The following EPB41L4A variants were observed in gnomAD, a reference collection of about 807,000 sequenced individuals.
The protein encoded by EPB41L4A is band 4.1-like protein 4A.
A neutral mutation model predicts 108.6 loss-of-function variants in EPB41L4A; 100 were observed. The observed-to-expected ratio is 0.92, with a 90% CI of 0.78 to 1.09. EPB41L4A has a LOEUF of 1.09. Ranked by LOEUF, EPB41L4A falls within the 50% of genes least tolerant of loss-of-function variation. The pLI is 0.00. For synonymous variants in EPB41L4A, 319 were observed against 289.0 expected (o/e 1.10, Z -1.05); for missense variants, 1,030 against 842.7 (o/e 1.22, Z -2.75).
intron 1 of EPB41L4A, among the ~76,000 whole-genome samples, chr5:112,372,485 G>C: frequency 6.6e-6 from 1 of 152,334 alleles, no homozygotes; most frequent in South Asian, 2.1e-4. Context: ...GGCTCTGTCT[G>C]AGAAGATAGC....
At chr5:112,193,979 G>A (rs566458493) in intron 17 of EPB41L4A, among the ~76,000 whole-genome samples, 24 of 152,242 alleles carry the variant, frequency 1.6e-4, no homozygotes, top group Admixed American at 9.8e-4. Context: ...TCTTGTTTTC[G>A]AGTGCATATT....
At chr5:112,167,204 A>T (rs1188519499) in intron 22 of EPB41L4A, among the ~76,000 whole-genome samples, 1 of 151,926 alleles carries the variant, frequency 6.6e-6, no homozygotes, top group Non-Finnish European at 1.5e-5. Context: ...TCTACACTGT[A>T]TAAAAATTGA....
At chr5:112,386,154 A>G (rs1760511000) in intron 1 of EPB41L4A, among the ~76,000 whole-genome samples, 1 of 152,216 alleles carries the variant, frequency 6.6e-6, no homozygotes, top group African/African-American at 2.4e-5. Flanking sequence ...TTGTACTGAG[A>G]CATAACGAAG....
chr5:112,375,287 C>T (rs191517152), intron 1 of EPB41L4A, among the ~76,000 whole-genome samples: 1 of 150,882 alleles, frequency 6.6e-6, no homozygotes, highest in East Asian at 1.9e-4. Flanking sequence ...AGACACTGAC[C>T]CACAGACCAT....
chr5:112,352,603 T>C (rs1051264105), intron 1 of EPB41L4A, among the ~76,000 whole-genome samples: 1 of 152,250 alleles, frequency 6.6e-6, no homozygotes, highest in Non-Finnish European at 1.5e-5. Context: ...AAGGTTATTA[T>C]TAATGTGTGA....
chr5:112,294,769 G>A (rs965321485), intron 2 of EPB41L4A, among the ~76,000 whole-genome samples: 1 of 151,816 alleles, frequency 6.6e-6, no homozygotes, highest in African/African-American at 2.4e-5. Context: ...CATTTGGGTG[G>A]GGAACTGAAA....
intron 4 of EPB41L4A, among the ~76,000 whole-genome samples, chr5:112,273,127 A>G (rs1240240333): frequency 6.6e-6 from 1 of 152,224 alleles, no homozygotes; most frequent in Non-Finnish European, 1.5e-5. Flanking sequence ...CATTAATGGT[A>G]ATATATTCAT....
intron 18 of EPB41L4A, among the ~76,000 whole-genome samples, chr5:112,182,111 A>C (rs978732728): frequency 6.6e-6 from 1 of 152,026 alleles, no homozygotes; most frequent in Admixed American, 6.6e-5. Flanking sequence ...GGGGGTGGGC[A>C]CTGACTAGAA....
intron 1 of EPB41L4A, among the ~76,000 whole-genome samples, chr5:112,330,239 A>G (rs1441475776): frequency 1.3e-5 from 2 of 151,922 alleles, no homozygotes; most frequent in Non-Finnish European, 2.9e-5. Context: ...TTTGCAGGGC[A>G]GTCCCTGGGA....
chr5:112,294,330 C>T (rs943828469), intron 2 of EPB41L4A, among the ~76,000 whole-genome samples: 14 of 152,140 alleles, frequency 9.2e-5, no homozygotes, highest in African/African-American at 2.9e-4. Flanking sequence ...CCCTCGCCTC[C>T]CAGTGAGCGG....
intron 1 of EPB41L4A, among the ~76,000 whole-genome samples, chr5:112,375,148 G>A (rs915207721): frequency 1.6e-4 from 25 of 152,128 alleles, no homozygotes; most frequent in Non-Finnish European, 3.4e-4. Context: ...GGACAGAGTT[G>A]AGACTTACTT....
At chr5:112,347,785 C>A (rs1237006163) in intron 1 of EPB41L4A, among the ~76,000 whole-genome samples, 1 of 152,156 alleles carries the variant, frequency 6.6e-6, no homozygotes, top group African/African-American at 2.4e-5. Context: ...AAAGGGGCAT[C>A]CCCTGTGTCT....
intron 18 of EPB41L4A, among the ~76,000 whole-genome samples, chr5:112,181,641 C>A (rs578142453): frequency 6.6e-6 from 1 of 152,122 alleles, no homozygotes; most frequent in East Asian, 1.9e-4. Flanking sequence ...GCAGTATATA[C>A]AAAAATTTAA....
At chr5:112,296,308 T>C (rs568861732) in intron 2 of EPB41L4A, among the ~76,000 whole-genome samples, 1 of 152,280 alleles carries the variant, frequency 6.6e-6, no homozygotes, top group Non-Finnish European at 1.5e-5. Context: ...AAAAGCATAA[T>C]TAATAACATT....
intron 1 of EPB41L4A, among the ~76,000 whole-genome samples, chr5:112,347,767 G>C (rs1757778757): frequency 6.6e-6 from 1 of 152,198 alleles, no homozygotes; most frequent in Non-Finnish European, 1.5e-5. Flanking sequence ...CACCTGAGCA[G>C]CCACAGTAAA....
At chr5:112,230,792 G>A (rs776197305) in intron 12 of EPB41L4A, among the ~76,000 whole-genome samples, 2 of 152,238 alleles carry the variant, frequency 1.3e-5, no homozygotes, top group African/African-American at 2.4e-5. Context: ...GCTATGAACA[G>A]CTTTGCCTAA....
At chr5:112,303,364 CACAT>C (rs1329086330) in intron 2 of EPB41L4A, among the ~76,000 whole-genome samples, 3 of 152,118 alleles carry the variant, frequency 2.0e-5, no homozygotes, top group African/African-American at 7.2e-5. Context: ...CAAATATTAA[CACAT>C]ACACAGCTTA....
At chr5:112,257,297 A>C (rs1027850019) in intron 9 of EPB41L4A, 11 of 152,168 alleles carry the variant, frequency 7.2e-5, no homozygotes, top group South Asian at 2.1e-4. Flanking sequence ...ATAAAAAAAA[A>C]CCTTTAATTC....
intron 9 of EPB41L4A, among the ~76,000 whole-genome samples, chr5:112,254,418 C>T (rs554906758): frequency 1.3e-5 from 2 of 152,302 alleles, no homozygotes; most frequent in East Asian, 1.9e-4. Context: ...TCTGTGCTCA[C>T]GTCTGTGGCA....
Sources: allele counts gnomAD v4.1 joint callset (sites outside exome capture counted in the v4.1 genomes callset), GRCh38; gene constraint gnomAD v4.1.1; transcripts MANE v1.5; gene names NCBI Gene and HGNC (gene_info 2026-07-23, HGNC 2026-07-21).